Variants in GNB1L observed in about 807,000 individuals in gnomAD.
GNB1L encodes the protein G protein subunit beta 1 like, also known as guanine nucleotide-binding protein subunit beta-like protein 1.
In GNB1L, 20 loss-of-function variants were observed where a neutral mutation model predicts 29.1. The ratio of observed to expected loss-of-function variants is 0.69; its 90% CI spans 0.48 to 1.00. The LOEUF is 1.00. GNB1L is among the 50% of genes least tolerant of loss of function. The probability of loss-of-function intolerance (pLI) is 0.00; values close to 1 mark genes in which losing one functional copy is unlikely to be tolerated. For synonymous variants in GNB1L, 193 were observed against 206.5 expected, an observed-to-expected ratio of 0.93 and a Z score of 0.56; for missense variants, 421 against 464.9, an observed-to-expected ratio of 0.91 and a Z score of 0.87.
In GNB1L at chr22:19,802,184, G is replaced by A. The variant is rs201962212; in HGVS notation, c.549C>T (p.Ala183=). Residue 183 remains alanine, a synonymous_variant, in exon 7 of 8, where the codon GCC becomes GCT. Coordinates refer to ENST00000329517, the MANE Select transcript of GNB1L (RefSeq NM_053004.3). ...GGACCACCGATCCATCCTCATAGCC[G>A]GCCAGAAGGAGTGGGCGGGAGCTGC... ...ADCSSRPLLL[A]GYEDGSVVLW... is the part of the protein sequence containing the mutation. The A allele has an allele frequency of 3.7e-5, 59 of 1,613,088 alleles. No homozygotes were observed. The highest frequency in any genetic ancestry group is 2.2e-4 in the Admixed American group (13 of 60,030).
chr22:19,824,242 ATTGC>A (rs1237455607), intron 2 of GNB1L, among the ~76,000 whole-genome samples: 1 of 152,258 alleles, frequency 6.6e-6, no homozygotes, highest in Admixed American at 6.5e-5. Context: ...ATATCCTAGG[ATTGC>A]TTGATTTATG....
intron 2 of GNB1L, chr22:19,851,735 T>C: frequency 1.2e-6 from 2 of 1,606,834 alleles, no homozygotes; most frequent in African/African-American, 1.3e-5. Context: ...AACAACTTCC[T>C]TGAGATCCTG....
intron 2 of GNB1L, among the ~76,000 whole-genome samples, chr22:19,835,050 G>A (rs913650626): frequency 5.3e-5 from 8 of 152,138 alleles, no homozygotes; most frequent in African/African-American, 9.7e-5. Context: ...AAATGGCATC[G>A]ATTCAGAAAG....
At chr22:19,807,979 G>A (rs771166517) in intron 5 of GNB1L, among the ~76,000 whole-genome samples, 13 of 152,202 alleles carry the variant, frequency 8.5e-5, no homozygotes, top group Non-Finnish European at 1.3e-4. Flanking sequence ...CTGCTGAGGC[G>A]CCCACCTCCA....
intron 2 of GNB1L, among the ~76,000 whole-genome samples, chr22:19,843,317 C>A (rs1183722444): frequency 3.3e-5 from 5 of 152,258 alleles, no homozygotes; most frequent in Non-Finnish European, 5.9e-5. Context: ...AATCCTCTGT[C>A]AGTATCCGCC....
Position 19,851,647 on chromosome 22 carries a change from C to T in GNB1L, c.-21+2796G>A. On this transcript the variant is annotated intron_variant, in intron 2 of 7. Transcript: ENST00000329517. ...GCCTCACCACAGGCAGCTGAGGGGC[C>T]ACTGGCAGCTGGCTGGAGGCCAGGG... is the stretch of plus-strand genomic sequence containing the variant. 11 of 1,594,038 alleles carry T rather than the reference C, an allele frequency of 6.9e-6. No individual in the cohort carries two copies. The Middle Eastern group carries it at 5.1e-4, about 73-fold the overall frequency.
rs377611439 is a variant in GNB1L at position 19,838,556 on chromosome 22, C to T, written c.-21+15887G>A. Reference sequence around the variant, plus strand: ...CACAATCTCAGCTCACTGCAACCTCCGCCTCCCAGGTTCAAGCGATTCTCC... The same window carrying T: ...CACAATCTCAGCTCACTGCAACCTCTGCCTCCCAGGTTCAAGCGATTCTCC... On this transcript the variant is annotated intron_variant, in intron 2 of 7. Transcript: ENST00000329517. Among the ~76,000 whole-genome samples, 26 of 152,040 alleles carry T rather than the reference C, an allele frequency of 1.7e-4. No homozygotes were observed. In the East Asian group the frequency reaches 2.7e-3, roughly 16 times the overall value.
In GNB1L at chr22:19,793,206, T is replaced by C. The variant is rs77648776; in HGVS notation, c.733-4246A>G. 9.7e-3 allele frequency: 6,381 copies of C among 655,174 alleles called. 251 individuals carry two copies. Among genetic ancestry groups the C allele is most frequent in the South Asian group, 0.079 (4,025 of 51,256 alleles). 40.6% of individuals were successfully genotyped at this position (655,174 alleles called of 1,614,324 possible). A position where few individuals can be genotyped will look rare whatever the true frequency, so the allele number is the denominator to read the frequency against. Reference sequence around the variant, plus strand: ...CAAATAATTACCCAAAAAATTGTCTTGAGTGAGCAAATAGGAACTCTTAGC... The same window carrying C: ...CAAATAATTACCCAAAAAATTGTCTCGAGTGAGCAAATAGGAACTCTTAGC... On this transcript the variant is annotated intron_variant, in intron 7 of 7. Transcript: ENST00000329517.
Position 19,852,144 on chromosome 22 carries a change from T to G in GNB1L, c.-21+2299A>C, listed in dbSNP as rs746080907. 64 of 1,613,718 alleles carry G rather than the reference T, an allele frequency of 4.0e-5. No individual in the cohort carries two copies. In the Admixed American group the frequency reaches 1.0e-3, roughly 26 times the overall value. On this transcript the variant is annotated intron_variant, in intron 2 of 7. Transcript: ENST00000329517. ...TCAATCCAGGGATCCACAAGGGGGG[T>G]GTATGCCACCCCAGGAGACGCCTTG...
At position 19,854,542 on chromosome 22, in the gene GNB1L, A is replaced by G. The variant is rs2145910285; in HGVS notation, c.-117-3T>C. On this transcript the variant is annotated splice_polypyrimidine_tract_variant and splice_region_variant and intron_variant, in intron 1 of 7. Coordinates refer to ENST00000329517, the MANE Select transcript of GNB1L (RefSeq NM_053004.3). ...GAGGGCGAGAGTCCAGGCGCCACCT[A>G]GAAAGTGGAGAACGAGATCGGCCGC... The G allele has an allele frequency of 6.5e-6, 1 of 152,856 alleles. No individual in the cohort carries two copies. The highest frequency in any genetic ancestry group is 2.1e-4 in the South Asian group (1 of 4,818). The allele number at this position is 152,856 out of a possible 1,614,324, so 9.5% of individuals were successfully genotyped here.
At chr22:19,836,754 A>G (rs1173210021) in intron 2 of GNB1L, among the ~76,000 whole-genome samples, 1 of 152,220 alleles carries the variant, frequency 6.6e-6, no homozygotes, top group East Asian at 1.9e-4. Flanking sequence ...AGGAATGCAA[A>G]GCTGATTCAA....
intron 2 of GNB1L, among the ~76,000 whole-genome samples, chr22:19,843,395 TGAGGCAGG>T (rs1203010389): frequency 2.6e-5 from 4 of 152,178 alleles, no homozygotes; most frequent in East Asian, 1.9e-4. Context: ...AGAATTCCGG[TGAGGCAGG>T]GAGGCAGGGA....
chr22:19,789,836 CAAAAA>C (rs574569982), intron 7 of GNB1L, among the ~76,000 whole-genome samples: 11 of 107,718 alleles, frequency 1.0e-4, no homozygotes, highest in Admixed American at 9.0e-5. Flanking sequence ...GACCCTGTCT[CAAAAA>C]AAAAAAAAAA....
At chr22:19,797,465 A>G (rs1937319729) in intron 7 of GNB1L, among the ~76,000 whole-genome samples, 1 of 152,238 alleles carries the variant, frequency 6.6e-6, no homozygotes, top group Admixed American at 6.5e-5. Flanking sequence ...CAGATTCAAG[A>G]AGAAAACCTG....
intron 4 of GNB1L, among the ~76,000 whole-genome samples, chr22:19,817,145 C>CT (rs1937532834): frequency 6.6e-6 from 1 of 152,334 alleles, no homozygotes; most frequent in East Asian, 1.9e-4. Context: ...AGGGGAAAGC[C>CT]TGGCAGACTT....
chr22:19,847,329 G>C (rs1444740613), intron 2 of GNB1L: 2 of 985,374 alleles, frequency 2.0e-6, no homozygotes, highest in Non-Finnish European at 2.4e-6. Flanking sequence ...GACTGATCCT[G>C]CAGGGTAACA....
At chr22:19,825,603 C>G (rs1402782787) in intron 2 of GNB1L, among the ~76,000 whole-genome samples, 1 of 151,650 alleles carries the variant, frequency 6.6e-6, no homozygotes, top group Admixed American at 6.6e-5. Context: ...GCCTGGGGGA[C>G]AGAGCAAGAC....
rs1193713310 is a variant in GNB1L at position 19,784,515 on chromosome 22, C to G, written c.*4194G>C. The G allele has an allele frequency of 6.6e-6, 1 of 152,342 alleles. No individual in the cohort carries two copies. Among genetic ancestry groups the G allele is most frequent in the African/African-American group, 2.4e-5 (1 of 41,468 alleles). The allele number at this position is 152,342 out of a possible 1,614,324, so 9.4% of individuals were successfully genotyped here. A position where few individuals can be genotyped will look rare whatever the true frequency, so the allele number is the denominator to read the frequency against. ...ACACGCAGGGAGGAAGGAAAAGGCT[C>G]TAGGCACAGCTGCTTGTCTAAGAGG... is the stretch of plus-strand genomic sequence containing the variant. On this transcript the variant is annotated 3_prime_UTR_variant, in exon 8 of 8. Coordinates refer to ENST00000329517, the MANE Select transcript of GNB1L (RefSeq NM_053004.3).
Position 19,783,886 on chromosome 22 carries a change from TGACA to T in GNB1L, c.*4819_*4822del, listed in dbSNP as rs1298801942. 6.6e-6 allele frequency: 1 copy of T among 152,322 alleles called. No homozygotes were observed. The highest frequency in any genetic ancestry group is 2.4e-5 in the African/African-American group (1 of 41,458). 9.4% of individuals were successfully genotyped at this position (152,322 alleles called of 1,614,324 possible). A position where few individuals can be genotyped will look rare whatever the true frequency, so the allele number is the denominator to read the frequency against. On this transcript the variant is annotated 3_prime_UTR_variant, in exon 8 of 8. Coordinates refer to ENST00000329517, the MANE Select transcript of GNB1L (RefSeq NM_053004.3). Reference sequence around the variant, plus strand: ...CCACAGCTCGCTGACCTGGGGAAGCTGACAGAGTGACAGAGGGTCTCAAGGACTC... The same window carrying T: ...CCACAGCTCGCTGACCTGGGGAAGCTGAGTGACAGAGGGTCTCAAGGACTC...
Sources: gnomAD v4.1 joint callset for allele counts (sites outside exome capture counted in the v4.1 genomes callset) on GRCh38, gnomAD v4.1.1 for gene constraint, MANE v1.5 for transcripts, NCBI Gene and HGNC (gene_info 2026-07-23, HGNC 2026-07-21) for gene names.